RBBP8: variants seen among roughly 807,000 people sequenced by gnomAD.
The protein encoded by RBBP8 is DNA endonuclease RBBP8.
In RBBP8, 88 loss-of-function variants were observed where a neutral mutation model predicts 108.3. That is an observed-to-expected ratio of 0.81 (90% CI 0.68 to 0.97). The LOEUF is 0.97. Ranked by LOEUF, RBBP8 falls within the 50% of genes least tolerant of loss-of-function variation. RBBP8 has a pLI of 0.00. For synonymous variants in RBBP8, 332 were observed against 348.2 expected (o/e 0.95, Z 0.52); for missense variants, 1,023 against 1,049.0 (o/e 0.98, Z 0.34).
At chr18:22,937,783 A>G (rs934680653) in intron 2 of RBBP8, among the ~76,000 whole-genome samples, 3 of 148,774 alleles carry the variant, frequency 2.0e-5, no homozygotes, top group South Asian at 2.1e-4. Flanking sequence ...TGGCCCAAAG[A>G]TCTCATTATT....
At chr18:23,007,271 T>C (rs2144773508) in intron 16 of RBBP8, among the ~76,000 whole-genome samples, 1 of 151,974 alleles carries the variant, frequency 6.6e-6, no homozygotes, top group East Asian at 2.0e-4. Flanking sequence ...TCCACCCGCC[T>C]CAGCCTCCCA....
At position 22,989,170 on chromosome 18, in the gene RBBP8, T is replaced by C. The variant is rs758136117; in HGVS notation, c.710-51T>C. 2.3e-6 allele frequency: 3 copies of C among 1,330,122 alleles called. No individual in the cohort carries two copies. In the African/African-American group the frequency reaches 4.4e-5, roughly 20 times the overall value. 82.4% of individuals were successfully genotyped at this position (1,330,122 alleles called of 1,614,324 possible). A position where few individuals can be genotyped will look rare whatever the true frequency, so the allele number is the denominator to read the frequency against. The stretch of plus-strand genomic sequence containing the variant: ...TTTAATGTGTCTAGCTTCTACAGTT[T>C]TGTAAAATTGGTTTTATTATTTATT... On this transcript the variant is annotated intron_variant, in intron 8 of 18. Transcript: ENST00000327155.
chr18:22,924,127 G>GTTTTTTTTTTTTTTTT (rs33978854), intron 3 of RBBP8, among the ~76,000 whole-genome samples: 2 of 108,228 alleles, frequency 1.8e-5, no homozygotes, highest in African/African-American at 3.5e-5. Flanking sequence ...TTTGTTTTTG[G>GTTTTTTTTTTTTTTTT]TTTTTTTTTT....
At chr18:22,937,604 C>A (rs776698469) in intron 2 of RBBP8, among the ~76,000 whole-genome samples, 1 of 151,344 alleles carries the variant, frequency 6.6e-6, no homozygotes, top group African/African-American at 2.4e-5. Flanking sequence ...AGCCTCCCTC[C>A]TGTAGTTGGG....
At chr18:23,004,300 T>C (rs960136006) in intron 15 of RBBP8, among the ~76,000 whole-genome samples, 5 of 151,448 alleles carry the variant, frequency 3.3e-5, no homozygotes, top group East Asian at 1.9e-4. Context: ...CACACACACA[T>C]ATACATAGAC....
intron 3 of RBBP8, among the ~76,000 whole-genome samples, chr18:22,922,708 G>A (rs988448025): frequency 5.3e-5 from 8 of 152,160 alleles, no homozygotes; most frequent in Admixed American, 1.3e-4. Flanking sequence ...CAAGCAATCC[G>A]CCTGCCTTGA....
chr18:22,928,703 T>C (rs1398729766), upstream of RBBP8, among the ~76,000 whole-genome samples: 1 of 151,570 alleles, frequency 6.6e-6, no homozygotes, highest in Non-Finnish European at 1.5e-5. Flanking sequence ...ACAGTCTCGC[T>C]TTGTCGCCCA....
chr18:23,022,602 A>AAAAAT (rs1299225729), intron 18 of RBBP8, among the ~76,000 whole-genome samples: 3,780 of 92,384 alleles, frequency 0.041, 478 homozygotes, highest in African/African-American at 0.12. Context: ...ACTCTGTCTC[A>AAAAAT]AAAATAAAAT....
intron 17 of RBBP8, among the ~76,000 whole-genome samples, chr18:23,019,537 A>G (rs2046313545): frequency 6.6e-6 from 1 of 152,168 alleles, no homozygotes; most frequent in Admixed American, 6.6e-5. Flanking sequence ...CTCAAATTTC[A>G]CACATCCAAA....
At chr18:22,938,711 T>A (rs1212994657) in intron 2 of RBBP8, among the ~76,000 whole-genome samples, 3 of 152,236 alleles carry the variant, frequency 2.0e-5, no homozygotes, top group African/African-American at 7.2e-5. Flanking sequence ...CCTAATTACC[T>A]AACCTCTAAA....
intron 16 of RBBP8, among the ~76,000 whole-genome samples, chr18:23,006,984 T>G (rs1014816479): frequency 1.3e-5 from 2 of 151,916 alleles, no homozygotes; most frequent in Non-Finnish European, 2.9e-5. Flanking sequence ...TTTCTCTGCT[T>G]TTGTGTGTGT....
intron 18 of RBBP8, among the ~76,000 whole-genome samples, chr18:23,022,663 T>TAAAATAAATAAAATAA (rs2046386259): frequency 1.0e-5 from 1 of 99,742 alleles, no homozygotes; most frequent in Non-Finnish European, 2.4e-5. Context: ...TAAAATAAAA[T>TAAAATAAATAAAATAA]AAAATAAATA....
chr18:22,983,389 C>T (rs1387758605), intron 7 of RBBP8, among the ~76,000 whole-genome samples: 6 of 152,060 alleles, frequency 3.9e-5, no homozygotes, highest in Non-Finnish European at 7.4e-5. Context: ...ACTTTATAAG[C>T]GTTTGTATCA....
At chr18:23,006,487 C>G in intron 16 of RBBP8, 55 bp downstream of exon 16, 1 of 1,357,314 alleles carries the variant, frequency 7.4e-7, no homozygotes, top group South Asian at 1.2e-5. Flanking sequence ...ATAGAGCTGT[C>G]TTTTATTTCT....
intron 15 of RBBP8, among the ~76,000 whole-genome samples, chr18:23,002,020 A>G (rs993343439): frequency 6.6e-6 from 1 of 152,216 alleles, no homozygotes; most frequent in African/African-American, 2.4e-5. Flanking sequence ...TTGGTATTAC[A>G]AATTTCTTTC....
intron 10 of RBBP8, 144 bp downstream of exon 10, chr18:22,991,193 C>A: frequency 1.4e-6 from 1 of 700,326 alleles, no homozygotes; most frequent in Non-Finnish European, 2.5e-6. Flanking sequence ...AAATTGTCTC[C>A]CTAGTTTCTG....
chr18:23,010,705 G>A (rs2046142944), intron 16 of RBBP8, among the ~76,000 whole-genome samples: 1 of 152,184 alleles, frequency 6.6e-6, no homozygotes, highest in Admixed American at 6.5e-5. Context: ...TTAGATAGCT[G>A]GAGAACAAGA....
At chr18:22,931,912 C>G (rs955602931), upstream of RBBP8, among the ~76,000 whole-genome samples, 37 of 151,958 alleles carry the variant, frequency 2.4e-4, no homozygotes, top group African/African-American at 8.7e-4. Context: ...CCAGTGAAAA[C>G]AAAGATTTAG....
At chr18:22,955,145 C>T (rs1313649531) in intron 4 of RBBP8, among the ~76,000 whole-genome samples, 1 of 152,198 alleles carries the variant, frequency 6.6e-6, no homozygotes, top group East Asian at 1.9e-4. Flanking sequence ...TGGTATTTCT[C>T]ATTCTAAATA....
Sources: allele counts gnomAD v4.1 joint callset (sites outside exome capture counted in the v4.1 genomes callset), GRCh38; gene constraint gnomAD v4.1.1; transcripts MANE v1.5; gene names NCBI Gene and HGNC (gene_info 2026-07-23, HGNC 2026-07-21).